Variants in TECPR2 observed in about 807,000 individuals in gnomAD.
TECPR2 encodes the protein tectonin beta-propeller repeat-containing protein 2.
TECPR2 carries 65 observed loss-of-function variants against 138.1 expected under a neutral mutation model. The ratio of observed to expected loss-of-function variants is 0.47; its 90% CI spans 0.39 to 0.58. The LOEUF is 0.58. Ranked by LOEUF, TECPR2 falls within the 20% of genes least tolerant of loss-of-function variation. The pLI, the probability that TECPR2 is intolerant of heterozygous loss-of-function variation, is 0.00. For missense variants in TECPR2, 1,553 were observed against 1,824.5 expected (o/e 0.85, Z 2.71); for synonymous variants, 746 against 749.8 (o/e 0.99, Z 0.08).
intron 13 of TECPR2, 35 bp downstream of exon 13, chr14:102,445,982 TC>T (rs1889967259): frequency 6.3e-7 from 1 of 1,577,254 alleles, no homozygotes. Context: ...TGCCGAGGTC[TC>T]CCGACCTTTT....
At chr14:102,465,385 G>A (rs972055126) in intron 17 of TECPR2, 96 bp downstream of exon 17, 19 of 1,507,884 alleles carry the variant, frequency 1.3e-5, no homozygotes, top group Admixed American at 2.4e-5. Flanking sequence ...GCCTCTAGAG[G>A]CCTCCCAGCA....
chr14:102,431,428 T>C (rs936921970), intron 7 of TECPR2, among the ~76,000 whole-genome samples: 123 of 150,372 alleles, frequency 8.2e-4, no homozygotes, highest in African/African-American at 2.4e-3. Context: ...CTGCAAGCTT[T>C]GCCTCCCAGG....
chr14:102,381,510 G>T (rs972145834), intron 2 of TECPR2, among the ~76,000 whole-genome samples: 1 of 152,238 alleles, frequency 6.6e-6, no homozygotes, highest in African/African-American at 2.4e-5. Flanking sequence ...GGAGGCAGAG[G>T]CTGCAGTAAG....
chr14:102,423,422 A>G (rs1435612340), intron 5 of TECPR2, among the ~76,000 whole-genome samples: 1 of 151,664 alleles, frequency 6.6e-6, no homozygotes, highest in Non-Finnish European at 1.5e-5. Context: ...GGACAACAAG[A>G]GCAAAACTCT....
chr14:102,444,828 C>T (rs987958480), intron 12 of TECPR2, among the ~76,000 whole-genome samples: 8 of 152,192 alleles, frequency 5.3e-5, no homozygotes, highest in Admixed American at 2.6e-4. Context: ...AAAAATTAAC[C>T]GGGCATCTCA....
At chr14:102,484,002 T>A (rs10142794) in intron 17 of TECPR2, among the ~76,000 whole-genome samples, 1 of 95,380 alleles carries the variant, frequency 1.0e-5, no homozygotes, top group East Asian at 3.7e-4. Flanking sequence ...TCACCATGTT[T>A]GCCAGGCTGG....
intron 16 of TECPR2, among the ~76,000 whole-genome samples, chr14:102,453,200 G>A (rs1447721780): frequency 6.6e-6 from 1 of 152,170 alleles, no homozygotes; most frequent in African/African-American, 2.4e-5. Context: ...TGTAGGCCGG[G>A]CGCAGTGGCT....
rs894600769 is a variant in TECPR2, at chr14:102,500,283, C to G, written c.*2026C>G. On this transcript the variant is annotated 3_prime_UTR_variant, in exon 20 of 20. Coordinates refer to ENST00000359520, the MANE Select transcript of TECPR2 (RefSeq NM_014844.5). The stretch of plus-strand genomic sequence containing the variant: ...GCCCAGCCCCACCACAGGGAGAGTG[C>G]GTCAGCAGACCTGTCCTGGCCTGGC... 1 of 152,462 alleles carries G rather than the reference C, an allele frequency of 6.6e-6. No individual in the cohort carries two copies. The highest frequency in any genetic ancestry group is 1.5e-5 in the Non-Finnish European group (1 of 68,124). The allele number at this position is 152,462 out of a possible 1,614,324, so 9.4% of individuals were successfully genotyped here.
chr14:102,489,032 G>C (rs946322365), intron 17 of TECPR2, among the ~76,000 whole-genome samples: 1 of 151,550 alleles, frequency 6.6e-6, no homozygotes, highest in African/African-American at 2.4e-5. Flanking sequence ...ACAGGCATGC[G>C]CCACCATGCC....
rs1258214171 is a variant in TECPR2 at position 102,443,148 on chromosome 14, G to A, written c.2753-499G>A. ...CCAGCAGCGCTGCAGCCCTCTGCCTGGAAGAGCTGCTCTGCCCTGCAGCCT... is the reference window on the plus strand; with the variant it reads ...CCAGCAGCGCTGCAGCCCTCTGCCTAGAAGAGCTGCTCTGCCCTGCAGCCT... On this transcript the variant is annotated intron_variant, in intron 11 of 19. Transcript: ENST00000359520. This position sits in a 1 kb window ranked among gnomAD's most constrained non-coding sequence, Gnocchi z 4.9. Among the ~76,000 whole-genome samples, 2 of 152,236 alleles carry A rather than the reference G, an allele frequency of 1.3e-5. No individual in the cohort carries two copies. The highest frequency in any genetic ancestry group is 4.8e-5 in the African/African-American group (2 of 41,462).
intron 18 of TECPR2, among the ~76,000 whole-genome samples, 187 bp downstream of exon 18, chr14:102,497,307 G>A (rs1567366141): frequency 6.6e-6 from 1 of 152,234 alleles, no homozygotes; most frequent in Admixed American, 6.5e-5. Flanking sequence ...AACCCAGGCC[G>A]TCCTGCTGGT....
intron 17 of TECPR2, among the ~76,000 whole-genome samples, chr14:102,482,760 T>A (rs574603885): frequency 3.8e-4 from 58 of 152,274 alleles, no homozygotes; most frequent in African/African-American, 1.3e-3. Flanking sequence ...TTGGAAACCA[T>A]TTTCCTTTAG....
intron 1 of TECPR2, among the ~76,000 whole-genome samples, chr14:102,366,918 A>G (rs961859869): frequency 2.0e-5 from 3 of 152,218 alleles, no homozygotes; most frequent in African/African-American, 7.2e-5. Context: ...TGATCTGGTC[A>G]GAGAAGGCCT....
At chr14:102,414,833 G>C in intron 5 of TECPR2, 40 bp downstream of exon 5, 1 of 1,608,748 alleles carries the variant, frequency 6.2e-7, no homozygotes, top group Non-Finnish European at 8.5e-7. Context: ...TAAATGCTGG[G>C]CCTTGTTGTA....
chr14:102,365,864 G>A (rs1268195759), intron 1 of TECPR2, among the ~76,000 whole-genome samples: 2 of 152,164 alleles, frequency 1.3e-5, no homozygotes, highest in African/African-American at 4.8e-5. Flanking sequence ...TGACCATTGG[G>A]TAGCCAATGG....
chr14:102,498,027 A>AAGCTCCCAGCTCCATCTGTGCCCG, intron 19 of TECPR2, 76 bp from the exon 20 acceptor site: 2 of 1,559,014 alleles, frequency 1.3e-6, no homozygotes, highest in Non-Finnish European at 1.7e-6. Context: ...ACCTGCGCCC[A>AAGCTCCCAGCTCCATCTGTGCCCG]AGCTCCCAGC....
At chr14:102,380,905 C>T (rs1887791419) in intron 2 of TECPR2, among the ~76,000 whole-genome samples, 1 of 151,784 alleles carries the variant, frequency 6.6e-6, no homozygotes, top group Admixed American at 6.6e-5. Context: ...GTCTCGATCT[C>T]CTGACCTCGT....
At chr14:102,423,454 G>T (rs1426274440) in intron 5 of TECPR2, among the ~76,000 whole-genome samples, 2 of 151,270 alleles carry the variant, frequency 1.3e-5, no homozygotes, top group African/African-American at 2.4e-5. Context: ...AAAAAAAGAG[G>T]TTTTTTTTGT....
intron 9 of TECPR2, chr14:102,437,117 A>C (rs1889689451): frequency 1.0e-6 from 1 of 985,104 alleles, no homozygotes; most frequent in African/African-American, 1.7e-5. Flanking sequence ...GCAGGGCTGG[A>C]TTGAGAAGAG....
Sources: allele counts gnomAD v4.1 joint callset (sites outside exome capture counted in the v4.1 genomes callset), GRCh38; gene constraint gnomAD v4.1.1; non-coding constraint Gnocchi (gnomAD v3.1); transcripts MANE v1.5; gene names NCBI Gene and HGNC (gene_info 2026-07-23, HGNC 2026-07-21).